Variants in ADAM22 observed in about 807,000 individuals in gnomAD.
The protein encoded by ADAM22 is disintegrin and metalloproteinase domain-containing protein 22.
A neutral mutation model predicts 144.6 loss-of-function variants in ADAM22; 65 were observed. That is an observed-to-expected ratio of 0.45 (90% CI 0.37 to 0.55). The LOEUF is 0.55. ADAM22 is among the 20% of genes least tolerant of loss of function. The pLI is 0.00. For synonymous variants in ADAM22, 391 were observed against 412.6 expected, an observed-to-expected ratio of 0.95 and a Z score of 0.63; for missense variants, 974 against 1,184.9, an observed-to-expected ratio of 0.82 and a Z score of 2.61.
At chr7:88,087,136 A>G (rs1563188488) in intron 4 of ADAM22, among the ~76,000 whole-genome samples, 2 of 152,316 alleles carry the variant, frequency 1.3e-5, no homozygotes, top group African/African-American at 2.4e-5. Context: ...TCTTACATGT[A>G]TAATATTTTA....
In ADAM22 at chr7:88,193,342, A is replaced by C. The variant is rs554146841; in HGVS notation, c.2874+103A>C. On this transcript the variant is annotated intron_variant, in intron 31 of 31. Transcript: ENST00000413139. ...AACCATTTTTCCTCCCTTGTTCCTAAGAAAATGAAAAAATCAAACTTGAAA... is the reference window on the plus strand; with the variant it reads ...AACCATTTTTCCTCCCTTGTTCCTACGAAAATGAAAAAATCAAACTTGAAA... The C allele has an allele frequency of 5.2e-6, 7 of 1,339,850 alleles. No homozygotes were observed. The Admixed American group carries it at 1.5e-4, about 29-fold the overall frequency. 83.0% of individuals were successfully genotyped at this position (1,339,850 alleles called of 1,614,324 possible).
chr7:88,051,537 A>T (rs1039497667), intron 3 of ADAM22, among the ~76,000 whole-genome samples: 2 of 148,232 alleles, frequency 1.3e-5, no homozygotes, highest in Admixed American at 1.3e-4. Flanking sequence ...AACACCACAC[A>T]CCGGGGCCTG....
chr7:88,186,684 T>A lies in ADAM22; in HGVS notation c.2733T>A (p.Thr911=). The A allele has an allele frequency of 3.7e-6, 6 of 1,603,244 alleles. No homozygotes were observed. Among genetic ancestry groups the A allele is most frequent in the Non-Finnish European group, 5.1e-6 (6 of 1,170,260 alleles). ...AKWVEDVNKN[T]EGPYFRTLSP... ...GGGTAGAAGATGTGAATAAAAACAC[T>A]GAAGGACCATACTTTAGGTATTTTA... The change falls in exon 30 of 32, where the codon ACT becomes ACA. Residue 911 remains threonine, a synonymous_variant. Transcript: ENST00000413139.
chr7:88,183,549 A>G (rs551249706), intron 29 of ADAM22, among the ~76,000 whole-genome samples: 2 of 152,248 alleles, frequency 1.3e-5, no homozygotes, highest in African/African-American at 4.8e-5. Flanking sequence ...AATGTTGTGT[A>G]TAATTTCCAC....
intron 2 of ADAM22, among the ~76,000 whole-genome samples, chr7:87,973,865 A>G (rs981790226): frequency 6.6e-6 from 1 of 151,628 alleles, no homozygotes; most frequent in African/African-American, 2.4e-5. Context: ...GCATATTCTC[A>G]CTCATAGGTG....
chr7:88,000,182 C>T lies in ADAM22; in HGVS notation c.323+21770C>T, dbSNP rs565023305. On this transcript the variant is annotated intron_variant, in intron 3 of 31. Transcript: ENST00000413139. The stretch of plus-strand genomic sequence containing the variant: ...TTATTCCTTCTATATAAAATATTCT[C>T]TTTTGAAAAATAAACAGCTCCCCTG... Among the ~76,000 whole-genome samples, 419 of 152,166 alleles carry T rather than the reference C, an allele frequency of 2.8e-3. 3 individuals are homozygous for T. Among genetic ancestry groups the T allele is most frequent in the African/African-American group, 9.7e-3 (404 of 41,526 alleles).
chr7:88,142,079 A>G (rs1834854105), intron 14 of ADAM22, among the ~76,000 whole-genome samples: 1 of 152,210 alleles, frequency 6.6e-6, no homozygotes, highest in African/African-American at 2.4e-5. Flanking sequence ...GAAGAGTTGC[A>G]AGATTAATAA....
chr7:88,195,738 C>T (rs947841858), intron 31 of ADAM22, among the ~76,000 whole-genome samples: 1 of 151,962 alleles, frequency 6.6e-6, no homozygotes, highest in East Asian at 1.9e-4. Context: ...AGGATGGTCT[C>T]GATCTCCTGA....
intron 8 of ADAM22, among the ~76,000 whole-genome samples, chr7:88,127,334 G>T (rs1830655482): frequency 6.6e-6 from 1 of 151,888 alleles, no homozygotes; most frequent in Non-Finnish European, 1.5e-5. Flanking sequence ...ACCCATAGAG[G>T]TGAAGTACTA....
At chr7:88,093,230 T>C (rs1339588655) in intron 4 of ADAM22, among the ~76,000 whole-genome samples, 1 of 152,076 alleles carries the variant, frequency 6.6e-6, no homozygotes, top group African/African-American at 2.4e-5. Flanking sequence ...ACAGTAATTA[T>C]AATTGAACAG....
intron 7 of ADAM22, among the ~76,000 whole-genome samples, chr7:88,124,400 T>G (rs1800771687): frequency 1.3e-5 from 2 of 151,970 alleles, no homozygotes; most frequent in African/African-American, 4.8e-5. Context: ...GTCCTGAAGT[T>G]ACATTGTCTG....
At chr7:88,106,858 G>A (rs999112507) in intron 4 of ADAM22, among the ~76,000 whole-genome samples, 2 of 152,108 alleles carry the variant, frequency 1.3e-5, no homozygotes, top group Non-Finnish European at 2.9e-5. Context: ...AGTATTTAAA[G>A]GTGACATCCT....
chr7:88,116,333 A>G (rs934073486), intron 6 of ADAM22, among the ~76,000 whole-genome samples: 4 of 152,178 alleles, frequency 2.6e-5, no homozygotes, highest in African/African-American at 9.6e-5. Flanking sequence ...TATACCAGGC[A>G]TCCTGCTCCC....
intron 23 of ADAM22, among the ~76,000 whole-genome samples, chr7:88,164,435 G>C (rs988657664): frequency 1.3e-5 from 2 of 151,598 alleles, no homozygotes; most frequent in Non-Finnish European, 2.9e-5. Context: ...ATTATATTTG[G>C]GGTAATTTTA....
chr7:88,065,531 T>A (rs1317842458), intron 3 of ADAM22, among the ~76,000 whole-genome samples: 1 of 152,062 alleles, frequency 6.6e-6, no homozygotes, highest in Non-Finnish European at 1.5e-5. Context: ...TCTAACTAGC[T>A]AGAGATAAGC....
At chr7:88,076,072 G>GGCGCGATCTCAGCTCACTGCAACA (rs1814390126) in intron 4 of ADAM22, among the ~76,000 whole-genome samples, 1 of 152,142 alleles carries the variant, frequency 6.6e-6, no homozygotes, top group South Asian at 2.1e-4. Context: ...GGAGTGCAAT[G>GGCGCGATCTCAGCTCACTGCAACA]GCGCGATCTC....
intron 30 of ADAM22, among the ~76,000 whole-genome samples, chr7:88,187,602 T>C (rs2129539664): frequency 6.6e-6 from 1 of 152,316 alleles, no homozygotes; most frequent in East Asian, 1.9e-4. Context: ...GACTACTTTG[T>C]GGACAACTAA....
intron 2 of ADAM22, among the ~76,000 whole-genome samples, chr7:87,949,378 A>G (rs1844472043): frequency 6.6e-6 from 1 of 152,184 alleles, no homozygotes; most frequent in Non-Finnish European, 1.5e-5. Context: ...CTACCACATA[A>G]AGTCTCCTTG....
intron 2 of ADAM22, among the ~76,000 whole-genome samples, chr7:87,940,992 T>C (rs1842356381): frequency 6.6e-6 from 1 of 152,208 alleles, no homozygotes; most frequent in South Asian, 2.1e-4. Context: ...TTCTTTTTTG[T>C]CAACTAAGCG....
Sources: allele counts gnomAD v4.1 joint callset (sites outside exome capture counted in the v4.1 genomes callset), GRCh38; gene constraint gnomAD v4.1.1; transcripts MANE v1.5; gene names NCBI Gene and HGNC (gene_info 2026-07-23, HGNC 2026-07-21).